Variants in NELL2 observed in about 807,000 individuals in gnomAD.
NELL2 encodes the protein neural EGFL like 2, also known as protein kinase C-binding protein NELL2.
A neutral mutation model predicts 109.6 loss-of-function variants in NELL2; 41 were observed. That is an observed-to-expected ratio of 0.37 (90% confidence interval 0.29 to 0.49). NELL2 has a LOEUF of 0.49. Among genes scored for constraint, NELL2 ranks in the 20% least tolerant of loss-of-function variants. NELL2 has a pLI of 0.98. For missense variants in NELL2, 900 were observed against 1,008.3 expected (o/e 0.89, Z 1.45); for synonymous variants, 355 against 344.7 (o/e 1.03, Z -0.33).
chr12:44,681,398 A>ATTTAT (rs948841050), intron 12 of NELL2, among the ~76,000 whole-genome samples: 7 of 148,032 alleles, frequency 4.7e-5, no homozygotes, highest in East Asian at 2.0e-4. Flanking sequence ...ATTTATTTTT[A>ATTTAT]TTTATTTTAT....
intron 2 of NELL2, among the ~76,000 whole-genome samples, chr12:44,824,713 CTTTTTT>C (rs1159134863): frequency 8.3e-5 from 11 of 132,560 alleles, no homozygotes; most frequent in African/African-American, 2.8e-4. Context: ...ATTTTATTTA[CTTTTTT>C]TTTTTTTTTG....
At chr12:44,646,192 C>A (rs1190284981) in intron 13 of NELL2, among the ~76,000 whole-genome samples, 1 of 152,074 alleles carries the variant, frequency 6.6e-6, no homozygotes, top group Non-Finnish European at 1.5e-5. Context: ...ATTAACTCAT[C>A]TAATCCTTAC....
chr12:44,873,946 T>C (rs1173966663), intron 2 of NELL2, among the ~76,000 whole-genome samples: 1 of 152,172 alleles, frequency 6.6e-6, no homozygotes, highest in East Asian at 1.9e-4. Flanking sequence ...AAAATTAACT[T>C]AAACATAAAA....
In NELL2 at chr12:44,875,370, G is replaced by A. The variant is rs962490546; in HGVS notation, c.56-17C>T. 1.2e-6 allele frequency: 2 copies of A among 1,614,068 alleles called. No individual in the cohort carries two copies. The highest frequency in any genetic ancestry group is 1.7e-6 in the Non-Finnish European group (2 of 1,180,038). On this transcript the variant is annotated splice_polypyrimidine_tract_variant and intron_variant, in intron 1 of 19. Transcript: ENST00000429094. ...GCCCCCAAACTGGTGAGGGGTATGA[G>A]GTGGGAGAGAGAAAAAGGAAAAGCT...
Position 44,876,218 on chromosome 12 carries a change from G to T in NELL2, c.-349C>A, listed in dbSNP as rs1020685647. On this transcript the variant is annotated 5_prime_UTR_variant, in exon 1 of 20. Coordinates refer to ENST00000429094, the MANE Select transcript of NELL2 (RefSeq NM_001145108.2). ...AAAGCAGCCAAAGACTCGCACACCC[G>T]GTAGAAGGGGGGCGGCCCCAAGAAA... 3 of 1,182,680 alleles carry T rather than the reference G, an allele frequency of 2.5e-6. No homozygotes were observed. Among genetic ancestry groups the T allele is most frequent in the Admixed American group, 8.2e-5 (2 of 24,466 alleles). 73.3% of individuals were successfully genotyped at this position (1,182,680 alleles called of 1,614,324 possible).
chr12:44,539,360 A>C (rs978442848), intron 15 of NELL2, among the ~76,000 whole-genome samples: 5 of 152,152 alleles, frequency 3.3e-5, no homozygotes, highest in Non-Finnish European at 7.3e-5. Flanking sequence ...ACAAAACAAA[A>C]CAAACACAAG....
At chr12:44,731,002 A>G (rs1939340512) in intron 9 of NELL2, among the ~76,000 whole-genome samples, 3 of 152,094 alleles carry the variant, frequency 2.0e-5, no homozygotes, top group Admixed American at 2.0e-4. Context: ...TTATAACACC[A>G]GTAAATTGGA....
At chr12:44,575,572 C>G (rs1944042640) in intron 15 of NELL2, among the ~76,000 whole-genome samples, 1 of 152,218 alleles carries the variant, frequency 6.6e-6, no homozygotes, top group Non-Finnish European at 1.5e-5. Context: ...TCTAAAGCAA[C>G]TGCATTTTGC....
At chr12:44,820,005 C>G (rs1039233040) in intron 2 of NELL2, among the ~76,000 whole-genome samples, 3 of 152,050 alleles carry the variant, frequency 2.0e-5, no homozygotes, top group Admixed American at 2.0e-4. Flanking sequence ...GGATGGTCTC[C>G]TCACCTGGTG....
At chr12:44,613,654 G>A (rs1945708877) in intron 13 of NELL2, among the ~76,000 whole-genome samples, 1 of 152,026 alleles carries the variant, frequency 6.6e-6, no homozygotes, top group African/African-American at 2.4e-5. Flanking sequence ...GTTGGTTATA[G>A]CTACAATTTA....
intron 2 of NELL2, among the ~76,000 whole-genome samples, chr12:44,835,098 A>G (rs1944011670): frequency 6.6e-6 from 1 of 152,086 alleles, no homozygotes; most frequent in Non-Finnish European, 1.5e-5. Flanking sequence ...CATGGTATCA[A>G]AGCTGCTGCT....
intron 12 of NELL2, among the ~76,000 whole-genome samples, chr12:44,668,004 G>A (rs1368912297): frequency 6.6e-6 from 1 of 152,118 alleles, no homozygotes; most frequent in Non-Finnish European, 1.5e-5. Flanking sequence ...AGCAACTACA[G>A]CATGGTGCAG....
chr12:44,624,986 A>G (rs918243640), intron 13 of NELL2, among the ~76,000 whole-genome samples: 8 of 37,418 alleles, frequency 2.1e-4, no homozygotes, highest in African/African-American at 7.9e-4. Flanking sequence ...AAATATATAT[A>G]TATGTGTGTG....
At chr12:44,847,946 C>T (rs1345252659) in intron 2 of NELL2, among the ~76,000 whole-genome samples, 2 of 149,736 alleles carry the variant, frequency 1.3e-5, no homozygotes, top group Admixed American at 6.7e-5. Flanking sequence ...GTTCAAGAAT[C>T]ACTTGAACCT....
rs185117423 is a variant in NELL2, at chr12:44,528,444, T to C, written c.1804+4137A>G. ...TTTATCCTGATCATTATTATGTATC[T>C]ACTTTTAACTACATATACATATCCA... On this transcript the variant is annotated intron_variant, in intron 16 of 19. Transcript: ENST00000429094. 1.3e-3 allele frequency among the ~76,000 whole-genome samples: 201 copies of C among 152,348 alleles called. 1 individual carries two copies. Among genetic ancestry groups the C allele is most frequent in the African/African-American group, 4.5e-3 (188 of 41,576 alleles).
intron 10 of NELL2, among the ~76,000 whole-genome samples, chr12:44,714,240 C>T (rs1938366390): frequency 6.6e-6 from 1 of 151,810 alleles, no homozygotes; most frequent in Admixed American, 6.6e-5. Flanking sequence ...CAACTCCATC[C>T]AACAATTAAT....
intron 15 of NELL2, among the ~76,000 whole-genome samples, chr12:44,559,928 G>A (rs1445296870): frequency 6.6e-6 from 1 of 152,110 alleles, no homozygotes; most frequent in South Asian, 2.1e-4. Flanking sequence ...ATAACTGGAA[G>A]TAAAAACTCC....
intron 12 of NELL2, among the ~76,000 whole-genome samples, chr12:44,687,294 C>G (rs956099752): frequency 6.6e-6 from 1 of 152,172 alleles, no homozygotes; most frequent in Non-Finnish European, 1.5e-5. Context: ...CACTGACCTG[C>G]GCCCACTGTC....
chr12:44,855,224 G>T (rs1944649021), intron 2 of NELL2, among the ~76,000 whole-genome samples: 1 of 152,132 alleles, frequency 6.6e-6, no homozygotes, highest in East Asian at 1.9e-4. Context: ...TGAGACAATG[G>T]TTCACAAGCT....
Sources: allele counts gnomAD v4.1 joint callset (sites outside exome capture counted in the v4.1 genomes callset), GRCh38; gene constraint gnomAD v4.1.1; transcripts MANE v1.5; gene names NCBI Gene and HGNC (gene_info 2026-07-23, HGNC 2026-07-21).